PURG: variants seen among roughly 807,000 people sequenced by gnomAD.
The protein encoded by PURG is purine rich element binding protein G.
Under a neutral mutation model 24.3 loss-of-function variants are expected in PURG, and 3 were observed. That is an observed-to-expected ratio of 0.12 (90% CI 0.06 to 0.32). The LOEUF (loss-of-function observed/expected upper bound fraction) is 0.32. Ranked by LOEUF, PURG falls within the 10% of genes least tolerant of loss-of-function variation. PURG has a pLI of 1.00. For missense variants in PURG, 371 were observed against 439.1 expected (o/e 0.84, Z 1.39); for synonymous variants, 180 against 173.1 (o/e 1.04, Z -0.31).
At chr8:31,020,831 T>C (rs1411642046) in intron 1 of PURG, among the ~76,000 whole-genome samples, 2 of 152,172 alleles carry the variant, frequency 1.3e-5, no homozygotes, top group African/African-American at 4.8e-5. Flanking sequence ...GTGTGGTTCT[T>C]AAAGTGCGGT....
At chr8:31,009,857 T>C (rs1330289241) in intron 1 of PURG, among the ~76,000 whole-genome samples, 4 of 152,188 alleles carry the variant, frequency 2.6e-5, no homozygotes, top group Admixed American at 1.3e-4. Context: ...TAACTTATCA[T>C]GTGGTCATTT....
At chr8:31,030,698 A>AGGATTATATT (rs1216805362), downstream of PURG, 1 of 151,950 alleles carries the variant, frequency 6.6e-6, no homozygotes, top group Non-Finnish European at 1.5e-5. Flanking sequence ...TGTAAAATTC[A>AGGATTATATT]GGATTATATT....
intron 1 of PURG, among the ~76,000 whole-genome samples, chr8:31,014,158 T>G (rs1435698401): frequency 6.6e-6 from 1 of 152,204 alleles, no homozygotes; most frequent in Non-Finnish European, 1.5e-5. Context: ...ACAAATAGCA[T>G]TTTTCTGAAA....
Position 31,031,527 on chromosome 8 carries a change from T to C in PURG, c.*212A>G, listed in dbSNP as rs1811202482. The C allele has an allele frequency of 1.7e-6, 1 of 575,874 alleles. No individual in the cohort carries two copies. 35.7% of individuals were successfully genotyped at this position (575,874 alleles called of 1,614,324 possible). A position where few individuals can be genotyped will look rare whatever the true frequency, so the allele number is the denominator to read the frequency against. On this transcript the variant is annotated 3_prime_UTR_variant, in exon 2 of 2. Transcript: ENST00000523392. ...TGGAGCAGTTGAAGCAGCTAAACTA[T>C]TTAGCTCTGGGAAGGTTGGAATTCC...
At position 31,032,655 on chromosome 8, in the gene PURG, G is replaced by A. The variant is rs1177403800; in HGVS notation, c.128C>T (p.Ala43Val). Residue 43 changes from alanine (A) to valine (V), a missense_variant, in exon 2 of 2, where the codon GCG becomes GTG. Physicochemically the swap from Ala to Val is moderately conservative, Grantham distance 64. Coordinates refer to ENST00000523392, the MANE Select transcript of PURG (RefSeq NM_001323311.2). This position sits in a 1 kb window ranked among gnomAD's most constrained non-coding sequence, Gnocchi z 5.9. Reference protein sequence around the residue: ...QAQHSHYPHYAASATPNQAGG... With the variant: ...QAQHSHYPHYVASATPNQAGG... Reference sequence around the variant, plus strand: ...GGCCTGATTAGGGGTGGCTGAGGCCGCGTAGTGGGGGTAGTGGGAGTGCTG... The same window carrying A: ...GGCCTGATTAGGGGTGGCTGAGGCCACGTAGTGGGGGTAGTGGGAGTGCTG... The A allele has an allele frequency of 6.4e-7, 1 of 1,572,634 alleles. No individual in the cohort carries two copies. The highest frequency in any genetic ancestry group is 8.6e-7 in the Non-Finnish European group (1 of 1,157,642).
chr8:30,996,681 T>C lies in PURG; in HGVS notation c.881A>G (p.Lys294Arg). 3 of 1,611,252 alleles carry C rather than the reference T, an allele frequency of 1.9e-6. No homozygotes were observed. The South Asian group carries it at 3.3e-5, about 18-fold the overall frequency. ...AAAAAGGTTGATATTCTCTCTGGAT[T>C]TGGGGTAATTTGTGAGCTAAAGAAA... The change falls in exon 2 of 2, where the codon AAA (lysine) becomes AGA (arginine). Residue 294 changes from lysine (K) to arginine (R), a missense_variant. Physicochemically the swap from Lys to Arg is conservative, Grantham distance 26 (BLOSUM62 2). Coordinates refer to the PURG transcript ENST00000339382.
exon 2 of PURG, chr8:30,996,609 T>A (rs372417842): frequency 4.5e-5 from 73 of 1,608,258 alleles, no homozygotes; most frequent in Admixed American, 2.2e-4. Context: ...CTCAACTGTT[T>A]TTGTAGTATC....
intron 1 of PURG, among the ~76,000 whole-genome samples, chr8:31,006,462 T>C (rs924748109): frequency 1.5e-4 from 23 of 152,058 alleles, no homozygotes; most frequent in Non-Finnish European, 3.2e-4. Flanking sequence ...GGCGTGGTGG[T>C]GGGCGCCTGT....
chr8:31,016,607 A>AAAAAAAAAAAAC (rs1810875769), intron 1 of PURG, among the ~76,000 whole-genome samples: 1 of 148,394 alleles, frequency 6.7e-6, no homozygotes, highest in Non-Finnish European at 1.5e-5. Context: ...AAAAAAAAAA[A>AAAAAAAAAAAAC]AAGAAAGAAC....
In PURG at chr8:31,031,771, C is replaced by G. The variant is rs779485500; in HGVS notation, c.1012G>C (p.Ala338Pro). The change falls in exon 2 of 2, where the codon GCC becomes CCC. Residue 338 changes from alanine (A) to proline (P), a missense_variant. Around this residue, in one of 5 missense-constraint regions of PURG, gnomAD observed 103 missense variants for 127.7 expected, o/e 0.81. Transcript: ENST00000523392. ...AGGCATTCTTGTTCTTCACCACTGGCCTTTCTGCCATCCATTCTCTTTTCT... is the reference window on the plus strand; with the variant it reads ...AGGCATTCTTGTTCTTCACCACTGGGCTTTCTGCCATCCATTCTCTTTTCT... ...HKEKRMDGRK[A>P]SGEEQECLD 7.1e-6 allele frequency: 11 copies of G among 1,551,538 alleles called. No individual in the cohort carries two copies. The highest frequency in any genetic ancestry group is 2.4e-5 in the South Asian group (2 of 84,074).
intron 1 of PURG, among the ~76,000 whole-genome samples, chr8:31,015,518 A>G (rs1191885506): frequency 2.0e-5 from 3 of 152,166 alleles, no homozygotes; most frequent in Non-Finnish European, 4.4e-5. Flanking sequence ...GTAAAGGGTC[A>G]ACTTTTGAGA....
At chr8:31,026,102 C>A (rs925271885), downstream of PURG, among the ~76,000 whole-genome samples, 1 of 151,790 alleles carries the variant, frequency 6.6e-6, no homozygotes, top group Non-Finnish European at 1.5e-5. Flanking sequence ...AGAAATATAC[C>A]TTTTTACTAT....
intron 1 of PURG, among the ~76,000 whole-genome samples, chr8:31,021,622 T>C (rs535828756): frequency 1.3e-5 from 2 of 152,172 alleles, no homozygotes; most frequent in East Asian, 3.9e-4. Context: ...CTGTGCTTTA[T>C]TAGAGTTGGA....
intron 1 of PURG, among the ~76,000 whole-genome samples, chr8:31,007,424 C>CA (rs2129788561): frequency 6.6e-6 from 1 of 152,230 alleles, no homozygotes; most frequent in South Asian, 2.1e-4. Context: ...GACCCGCTAA[C>CA]ATACTCTTAT....
At chr8:31,002,755 A>C (rs1358118478) in intron 1 of PURG, among the ~76,000 whole-genome samples, 1 of 152,222 alleles carries the variant, frequency 6.6e-6, no homozygotes, top group Non-Finnish European at 1.5e-5. Flanking sequence ...AAGTGCTAGG[A>C]TTACAGGCGT....
At chr8:31,019,122 T>C (rs1164308746) in intron 1 of PURG, among the ~76,000 whole-genome samples, 19 of 33,778 alleles carry the variant, frequency 5.6e-4, no homozygotes, top group African/African-American at 2.4e-3. Context: ...AGACTCTGTC[T>C]CAAAAAAAAA....
chr8:31,032,847 C>T lies in PURG; in HGVS notation c.-6-59G>A. On this transcript the variant is annotated intron_variant, in intron 1 of 1. Coordinates refer to ENST00000523392, the MANE Select transcript of PURG (RefSeq NM_001323311.2). This position sits in a 1 kb window ranked among gnomAD's most constrained non-coding sequence, Gnocchi z 5.9. ...GGGGGAGGGGTGTTGAGAACAATCG[C>T]AGACGCCCCTCGGCCTGACCGCCCC... is the stretch of plus-strand genomic sequence containing the variant. The T allele has an allele frequency of 8.2e-7, 1 of 1,226,836 alleles. No individual in the cohort carries two copies. The highest frequency in any genetic ancestry group is 1.0e-6 in the Non-Finnish European group (1 of 970,602). The allele number at this position is 1,226,836 out of a possible 1,614,324, so 76.0% of individuals were successfully genotyped here.
At chr8:31,020,923 C>A (rs993331016) in intron 1 of PURG, among the ~76,000 whole-genome samples, 1 of 152,222 alleles carries the variant, frequency 6.6e-6, no homozygotes, top group African/African-American at 2.4e-5. Flanking sequence ...ACCAGTCCTA[C>A]TGAACAGAAA....
intron 1 of PURG, among the ~76,000 whole-genome samples, chr8:31,002,864 T>C (rs531668942): frequency 1.3e-5 from 2 of 152,360 alleles, no homozygotes; most frequent in East Asian, 3.9e-4. Flanking sequence ...TCCTCATTTT[T>C]TCATCTGGAA....
Sources: allele counts gnomAD v4.1 joint callset (sites outside exome capture counted in the v4.1 genomes callset), GRCh38; gene constraint gnomAD v4.1.1; regional missense constraint gnomAD v4.1.1; non-coding constraint Gnocchi (gnomAD v3.1); transcripts MANE v1.5; gene names NCBI Gene and HGNC (gene_info 2026-07-23, HGNC 2026-07-21).